The following BRINP3 variants were observed in gnomAD, a reference collection of about 807,000 sequenced individuals.
BRINP3 encodes the protein BMP/retinoic acid inducible neural specific 3, also known as BMP/retinoic acid-inducible neural-specific protein 3.
Under a neutral mutation model 71.0 loss-of-function variants are expected in BRINP3, and 19 were observed. The observed-to-expected ratio is 0.27, with a 90% confidence interval of 0.19 to 0.39. The LOEUF is 0.39. Among genes scored for constraint, BRINP3 ranks in the 10% least tolerant of loss-of-function variants. The probability of loss-of-function intolerance (pLI) is 1.00; values close to 1 mark genes in which losing one functional copy is unlikely to be tolerated. For synonymous variants in BRINP3, 380 were observed against 337.7 expected (o/e 1.13, Z -1.37); for missense variants, 959 against 940.8 (o/e 1.02, Z -0.25).
chr1:190,349,128 G>A (rs749232692), intron 2 of BRINP3, among the ~76,000 whole-genome samples: 10 of 152,008 alleles, frequency 6.6e-5, no homozygotes, highest in Non-Finnish European at 1.3e-4. Context: ...TACTAAGCTC[G>A]GGTATATCTG....
chr1:190,148,455 G>C (rs1378552946), intron 7 of BRINP3, among the ~76,000 whole-genome samples: 3 of 151,784 alleles, frequency 2.0e-5, no homozygotes, highest in Admixed American at 6.6e-5. Context: ...AACTAGCCGG[G>C]CGTGGTGGCG....
rs1306428606 is a variant in BRINP3, at chr1:190,477,442, A to T, written c.-51+6T>A. On this transcript the variant is annotated splice_donor_region_variant and intron_variant, in intron 1 of 7. Transcript: ENST00000367462. ...TTTCTAGTAACAGATAAAGAGAATA[A>T]CTTACCAGAGGAAATTTCAGGAAGC... is the stretch of plus-strand genomic sequence containing the variant. The T allele has an allele frequency of 1.3e-5, 2 of 152,234 alleles. No homozygotes were observed. The highest frequency in any genetic ancestry group is 2.9e-5 in the Non-Finnish European group (2 of 68,038). The allele number at this position is 152,234 out of a possible 1,614,324, so 9.4% of individuals were successfully genotyped here.
intron 2 of BRINP3, among the ~76,000 whole-genome samples, chr1:190,406,638 C>T (rs778764314): frequency 3.3e-5 from 5 of 152,028 alleles, no homozygotes; most frequent in Admixed American, 2.6e-4. Context: ...ATGCTGAGAA[C>T]GCAGTTTTAT....
intron 2 of BRINP3, among the ~76,000 whole-genome samples, chr1:190,404,900 T>A (rs1672162353): frequency 6.6e-6 from 1 of 152,204 alleles, no homozygotes; most frequent in African/African-American, 2.4e-5. Context: ...CAACTGGCTT[T>A]AATTTCAAAA....
intron 7 of BRINP3, among the ~76,000 whole-genome samples, chr1:190,127,381 C>T (rs1004513816): frequency 6.6e-6 from 1 of 151,716 alleles, no homozygotes; most frequent in Non-Finnish European, 1.5e-5. Context: ...ATATAAAATA[C>T]AACATATTGG....
At chr1:190,325,378 G>T (rs534355259) in intron 2 of BRINP3, among the ~76,000 whole-genome samples, 2 of 152,064 alleles carry the variant, frequency 1.3e-5, no homozygotes, top group South Asian at 2.1e-4. Context: ...TAAATTGACT[G>T]ACAGAAAGTT....
At chr1:190,300,296 C>A (rs1318072026) in intron 2 of BRINP3, among the ~76,000 whole-genome samples, 1 of 152,088 alleles carries the variant, frequency 6.6e-6, no homozygotes, top group Non-Finnish European at 1.5e-5. Context: ...TCCTTTCATT[C>A]ATTTCATCTT....
intron 6 of BRINP3, among the ~76,000 whole-genome samples, chr1:190,169,458 C>A (rs1336836266): frequency 6.6e-6 from 1 of 152,150 alleles, no homozygotes; most frequent in Non-Finnish European, 1.5e-5. Context: ...AGCATCTGAG[C>A]CAGCATCTCC....
intron 7 of BRINP3, among the ~76,000 whole-genome samples, chr1:190,105,062 CATAAGCTG>C (rs1652035013): frequency 6.6e-6 from 1 of 152,024 alleles, no homozygotes; most frequent in African/African-American, 2.4e-5. Flanking sequence ...TTTAAGCAAG[CATAAGCTG>C]ATTATTAGCT....
intron 6 of BRINP3, among the ~76,000 whole-genome samples, chr1:190,222,452 T>C (rs865956879): frequency 4.6e-5 from 7 of 150,624 alleles, no homozygotes; most frequent in African/African-American, 1.7e-4. Flanking sequence ...ATTAAAAGAG[T>C]ATAAAGACTT....
At chr1:190,314,290 A>G (rs999377687) in intron 2 of BRINP3, among the ~76,000 whole-genome samples, 1 of 152,082 alleles carries the variant, frequency 6.6e-6, no homozygotes, top group Non-Finnish European at 1.5e-5. Context: ...GGAGAAGTAA[A>G]TATTGGGTAA....
At chr1:190,423,218 A>G (rs1341655329) in intron 2 of BRINP3, among the ~76,000 whole-genome samples, 2 of 150,456 alleles carry the variant, frequency 1.3e-5, no homozygotes, top group Admixed American at 6.6e-5. Flanking sequence ...TAAGGGCCCT[A>G]TGACTCCTAT....
chr1:190,387,528 A>T (rs1670988868), intron 2 of BRINP3, among the ~76,000 whole-genome samples: 2 of 151,930 alleles, frequency 1.3e-5, no homozygotes, highest in South Asian at 2.1e-4. Context: ...AGAGACCATT[A>T]TGAGAAGGTG....
intron 3 of BRINP3, among the ~76,000 whole-genome samples, chr1:190,267,258 A>G (rs1571573629): frequency 6.6e-6 from 1 of 152,266 alleles, no homozygotes; most frequent in East Asian, 1.9e-4. Flanking sequence ...GTTACAAAGA[A>G]ACCTTTAGTA....
rs146651251 is a variant in BRINP3, at chr1:190,390,175, T to G, written c.236+64480A>C. Among the ~76,000 whole-genome samples the G allele has an allele frequency of 2.7e-3, 412 of 151,694 alleles. 3 individuals are homozygous for G. Among genetic ancestry groups the G allele is most frequent in the African/African-American group, 9.7e-3 (400 of 41,424 alleles). On this transcript the variant is annotated intron_variant, in intron 2 of 7. Coordinates refer to ENST00000367462, the MANE Select transcript of BRINP3 (RefSeq NM_199051.3). ...GGGAAATATCTTGTAATTGCTTCATTTCCTACTCTAAAATAATGCTACATT... is the reference window on the plus strand; with the variant it reads ...GGGAAATATCTTGTAATTGCTTCATGTCCTACTCTAAAATAATGCTACATT...
chr1:190,260,248 A>G (rs1394858218), intron 4 of BRINP3, among the ~76,000 whole-genome samples: 1 of 152,054 alleles, frequency 6.6e-6, no homozygotes, highest in Non-Finnish European at 1.5e-5. Flanking sequence ...TTATAGTTAA[A>G]AATATTGTAT....
At chr1:190,330,485 T>C (rs995551628) in intron 2 of BRINP3, among the ~76,000 whole-genome samples, 5 of 152,020 alleles carry the variant, frequency 3.3e-5, no homozygotes, top group Admixed American at 6.6e-5. Context: ...AAATAACAGC[T>C]GCTGGCAAGG....
intron 7 of BRINP3, among the ~76,000 whole-genome samples, chr1:190,157,352 G>A (rs556675759): frequency 1.1e-4 from 17 of 152,072 alleles, no homozygotes; most frequent in African/African-American, 2.2e-4. Flanking sequence ...GTTCAAACTC[G>A]TGTTGTTCAA....
chr1:190,200,505 T>C (rs954252656), intron 6 of BRINP3, among the ~76,000 whole-genome samples: 4 of 152,142 alleles, frequency 2.6e-5, no homozygotes, highest in African/African-American at 9.7e-5. Context: ...ATAACCTTTA[T>C]TTTTATATAT....
Sources: allele counts gnomAD v4.1 joint callset (sites outside exome capture counted in the v4.1 genomes callset), GRCh38; gene constraint gnomAD v4.1.1; transcripts MANE v1.5; gene names NCBI Gene and HGNC (gene_info 2026-07-23, HGNC 2026-07-21).